Variants in CLCA1 observed in about 807,000 individuals in gnomAD.
The protein encoded by CLCA1 is calcium-activated chloride channel regulator 1.
Under a neutral mutation model 85.6 loss-of-function variants are expected in CLCA1, and 59 were observed. That is an observed-to-expected ratio of 0.69 (90% CI 0.56 to 0.86). The LOEUF is 0.86. CLCA1 is among the 40% of genes least tolerant of loss of function. CLCA1 has a pLI of 0.00. For synonymous variants in CLCA1, 396 were observed against 398.3 expected (o/e 0.99, Z 0.07); for missense variants, 1,022 against 1,101.4 (o/e 0.93, Z 1.02).
rs5744337 is a variant in CLCA1 at position 86,479,408 on chromosome 1, C to T, written c.558-2797C>T. 4.8e-3 allele frequency among the ~76,000 whole-genome samples: 729 copies of T among 152,016 alleles called. 5 individuals carry two copies. The highest frequency in any genetic ancestry group is 0.016 in the African/African-American group (667 of 41,454). On this transcript the variant is annotated intron_variant, in intron 4 of 13. Coordinates refer to ENST00000394711, the MANE Select transcript of CLCA1 (RefSeq NM_001285.4). The stretch of plus-strand genomic sequence containing the variant: ...ACATTCAATTCATGGAAGATATAAA[C>T]GCAAACAAAATTCATATATAGGGTT...
intron 12 of CLCA1, among the ~76,000 whole-genome samples, chr1:86,497,757 T>C (rs1648330776): frequency 6.6e-6 from 1 of 152,108 alleles, no homozygotes; most frequent in Non-Finnish European, 1.5e-5. Flanking sequence ...GAAGGTCCAG[T>C]TGATTAGTTG....
intron 13 of CLCA1, 88 bp from the exon 14 acceptor site, chr1:86,499,566 C>G: frequency 1.2e-6 from 1 of 852,428 alleles, no homozygotes; most frequent in East Asian, 2.7e-5. Context: ...ACTTTTAAAG[C>G]TTTTTAAATA....
Position 86,489,119 on chromosome 1 carries a change from G to A in CLCA1, c.1306G>A (p.Ala436Thr), listed in dbSNP as rs1281614621. 27 of 1,613,930 alleles carry A rather than the reference G, an allele frequency of 1.7e-5. No homozygotes were observed. Among genetic ancestry groups the A allele is most frequent in the East Asian group, 2.2e-5 (1 of 44,888 alleles). ...KQSGAIIHTV[A>T]LGPSAAQELE... Reference sequence around the variant, plus strand: ...AAGTGGTGCCATCATCCACACAGTCGCTTTGGGGCCCTCTGCAGCTCAAGA... The same window carrying A: ...AAGTGGTGCCATCATCCACACAGTCACTTTGGGGCCCTCTGCAGCTCAAGA... The change falls in exon 8 of 14, where the codon GCT becomes ACT. Residue 436 changes from alanine (A) to threonine (T), a missense_variant. Transcript: ENST00000394711.
intron 12 of CLCA1, among the ~76,000 whole-genome samples, chr1:86,496,794 A>G (rs980656346): frequency 6.6e-6 from 1 of 152,126 alleles, no homozygotes; most frequent in Non-Finnish European, 1.5e-5. Context: ...CAGTGGCACA[A>G]TCTCAGCTCA....
At chr1:86,482,435 C>G (rs1427057138) in intron 5 of CLCA1, 53 bp downstream of exon 5, 1 of 1,520,582 alleles carries the variant, frequency 6.6e-7, no homozygotes, top group Non-Finnish European at 9.0e-7. Flanking sequence ...TTTAGTGAGG[C>G]TTTTACTCCA....
chr1:86,482,160 G>A, intron 4 of CLCA1, 45 bp from the exon 5 acceptor site: 1 of 1,471,634 alleles, frequency 6.8e-7, no homozygotes, highest in Non-Finnish European at 9.4e-7. Context: ...CTGACCCTTT[G>A]AAATGACGAC....
chr1:86,472,026 G>GT (rs111327696), intron 1 of CLCA1, among the ~76,000 whole-genome samples: 98,762 of 148,602 alleles, frequency 0.66, 32,909 homozygotes, highest in Non-Finnish European at 0.69. Context: ...TTACATTTTT[G>GT]TTTTTTTTTT....
intron 7 of CLCA1, among the ~76,000 whole-genome samples, chr1:86,487,418 G>A (rs778765030): frequency 6.6e-6 from 1 of 150,636 alleles, no homozygotes; most frequent in Non-Finnish European, 1.5e-5. Flanking sequence ...TCAGATGAGC[G>A]AGAGAGAGAG....
intron 7 of CLCA1, among the ~76,000 whole-genome samples, chr1:86,488,377 T>C (rs999806982): frequency 6.6e-6 from 1 of 152,100 alleles, no homozygotes. Context: ...TATAAAAAAA[T>C]AAATAAATAA....
intron 5 of CLCA1, among the ~76,000 whole-genome samples, chr1:86,483,050 A>G (rs1034773749): frequency 2.6e-5 from 4 of 152,152 alleles, no homozygotes; most frequent in Non-Finnish European, 5.9e-5. Context: ...ATAAAATTAC[A>G]TTTTCCTTTT....
At chr1:86,486,350 A>T (rs1647970004) in intron 6 of CLCA1, among the ~76,000 whole-genome samples, 176 bp from the exon 7 acceptor site, 1 of 152,188 alleles carries the variant, frequency 6.6e-6, no homozygotes, top group Admixed American at 6.5e-5. Flanking sequence ...CTAAAATTCT[A>T]CCCAAAGGTG....
chr1:86,485,577 C>A lies in CLCA1; in HGVS notation c.954+16C>A. The A allele has an allele frequency of 1.2e-6, 2 of 1,609,382 alleles. No individual in the cohort carries two copies. The highest frequency in any genetic ancestry group is 1.7e-6 in the Non-Finnish European group (2 of 1,175,664). On this transcript the variant is annotated intron_variant, in intron 6 of 13. Coordinates refer to ENST00000394711, the MANE Select transcript of CLCA1 (RefSeq NM_001285.4). Reference sequence around the variant, plus strand: ...AAGCATGGCGGTATGTTCAATGAGTCTTGGTCTTCTGGATGCTGGTCACAG... The same window carrying A: ...AAGCATGGCGGTATGTTCAATGAGTATTGGTCTTCTGGATGCTGGTCACAG...
chr1:86,491,646 A>T (rs180672999), intron 9 of CLCA1, among the ~76,000 whole-genome samples: 83 of 152,368 alleles, frequency 5.4e-4, no homozygotes, highest in Non-Finnish European at 6.9e-4. Flanking sequence ...CTTTTTTAAC[A>T]TCTCTGAACA....
In CLCA1 at chr1:86,495,594, C is replaced by A; in HGVS notation, c.2032C>A (p.Leu678Met). 1 of 1,614,132 alleles carries A rather than the reference C, an allele frequency of 6.2e-7. No homozygotes were observed. The highest frequency in any genetic ancestry group is 1.1e-5 in the South Asian group (1 of 91,078). The change falls in exon 12 of 14, where the codon CTG (leucine) becomes ATG (methionine). Residue 678 changes from leucine to methionine, a missense_variant. By Grantham distance (15) the Leu-to-Met change is conservative. Coordinates refer to ENST00000394711, the MANE Select transcript of CLCA1 (RefSeq NM_001285.4). The part of the protein sequence containing the change: ...NGRYSVKVRA[L>M]GGVNAARRRV... Reference sequence around the variant, plus strand: ...TAGATACAGTGTAAAAGTGCGGGCTCTGGGAGGAGTTAACGCAGCCAGACG... The same window carrying A: ...TAGATACAGTGTAAAAGTGCGGGCTATGGGAGGAGTTAACGCAGCCAGACG...
chr1:86,498,906 G>A, intron 13 of CLCA1, 95 bp downstream of exon 13: 1 of 1,358,020 alleles, frequency 7.4e-7, no homozygotes, highest in South Asian at 1.4e-5. Flanking sequence ...CTGATACTTA[G>A]GGGGCAGAAG....
intron 13 of CLCA1, among the ~76,000 whole-genome samples, chr1:86,499,060 C>G (rs977167661): frequency 1.3e-5 from 2 of 152,212 alleles, no homozygotes; most frequent in African/African-American, 4.8e-5. Flanking sequence ...TGAAATCTTA[C>G]CAAACTGTCC....
intron 1 of CLCA1, among the ~76,000 whole-genome samples, chr1:86,471,011 G>A (rs886920289): frequency 5.3e-5 from 8 of 152,126 alleles, no homozygotes; most frequent in African/African-American, 1.4e-4. Context: ...GGGAGTACAC[G>A]TCACAAGATG....
At chr1:86,473,013 CT>C (rs1171770119) in intron 1 of CLCA1, among the ~76,000 whole-genome samples, 2 of 152,190 alleles carry the variant, frequency 1.3e-5, no homozygotes, top group African/African-American at 4.8e-5. Context: ...ATATTTTATA[CT>C]TGCTTGTGCG....
intron 4 of CLCA1, 123 bp from the exon 5 acceptor site, chr1:86,482,082 G>T (rs1647836952): frequency 1.5e-6 from 1 of 685,730 alleles, no homozygotes. Context: ...ATGATGGGAT[G>T]TCCTTGTTTC....
Sources: allele counts gnomAD v4.1 joint callset (sites outside exome capture counted in the v4.1 genomes callset), GRCh38; gene constraint gnomAD v4.1.1; transcripts MANE v1.5; gene names NCBI Gene and HGNC (gene_info 2026-07-23, HGNC 2026-07-21).